The following KAZN variants were observed in gnomAD, a reference collection of about 807,000 sequenced individuals.
The protein encoded by KAZN is kazrin, periplakin interacting protein.
In KAZN, 40 loss-of-function variants were observed where a neutral mutation model predicts 87.4. The ratio of observed to expected loss-of-function variants is 0.46; its 90% CI spans 0.36 to 0.60. The LOEUF (loss-of-function observed/expected upper bound fraction) is 0.60. Among genes scored for constraint, KAZN ranks in the 20% least tolerant of loss-of-function variants. The pLI is 0.00. For missense variants in KAZN, 898 were observed against 1,073.9 expected, an observed-to-expected ratio of 0.84 and a Z score of 2.29; for synonymous variants, 466 against 458.3, an observed-to-expected ratio of 1.02 and a Z score of -0.22.
chr1:14,116,438 G>A lies in KAZN; in HGVS notation c.92-63997G>A, dbSNP rs115007105. 4.1e-3 allele frequency among the ~76,000 whole-genome samples: 626 copies of A among 152,316 alleles called. 6 individuals carry two copies. Among genetic ancestry groups the A allele is most frequent in the African/African-American group, 0.014 (584 of 41,566 alleles). ...CAGAGGGTGCAAGCCTCAAGCCATGGCAACTTCCATGTGATGTTGAGCCTG... is the reference window on the plus strand; with the variant it reads ...CAGAGGGTGCAAGCCTCAAGCCATGACAACTTCCATGTGATGTTGAGCCTG... On this transcript the variant is annotated intron_variant, in intron 1 of 16. Transcript: ENST00000636203.
chr1:14,274,493 G>A (rs1652196328), intron 2 of KAZN, among the ~76,000 whole-genome samples: 1 of 152,124 alleles, frequency 6.6e-6, no homozygotes, highest in South Asian at 2.1e-4. Context: ...CATCATCCGG[G>A]GAGCTTAATA....
intron 1 of KAZN, among the ~76,000 whole-genome samples, chr1:14,612,582 A>T (rs915644643): frequency 1.3e-5 from 2 of 152,204 alleles, no homozygotes; most frequent in African/African-American, 4.8e-5. Context: ...CATCTGGAAC[A>T]TGAGGCCGAT....
chr1:14,834,556 T>C (rs1259891282), intron 1 of KAZN, among the ~76,000 whole-genome samples: 2 of 151,300 alleles, frequency 1.3e-5, no homozygotes, highest in Non-Finnish European at 2.9e-5. Flanking sequence ...AGAGACGGGG[T>C]TTCACCGTGT....
At chr1:14,533,879 G>T (rs1672341725) in intron 2 of KAZN, among the ~76,000 whole-genome samples, 1 of 152,298 alleles carries the variant, frequency 6.6e-6, no homozygotes, top group Admixed American at 6.5e-5. Flanking sequence ...ACATACAAGA[G>T]TCAGGGTTAT....
intron 2 of KAZN, among the ~76,000 whole-genome samples, chr1:14,417,505 G>T (rs1308710625): frequency 6.6e-6 from 1 of 152,160 alleles, no homozygotes; most frequent in Non-Finnish European, 1.5e-5. Context: ...CAGTGCCATG[G>T]AGTCAATGAA....
At chr1:14,788,771 A>G (rs1441215131) in intron 1 of KAZN, among the ~76,000 whole-genome samples, 1 of 151,996 alleles carries the variant, frequency 6.6e-6, no homozygotes, top group Non-Finnish European at 1.5e-5. Flanking sequence ...TACATGTGGG[A>G]GGTCACCACT....
At chr1:14,294,830 C>A (rs868561458) in intron 2 of KAZN, among the ~76,000 whole-genome samples, 3 of 151,742 alleles carry the variant, frequency 2.0e-5, no homozygotes, top group African/African-American at 4.8e-5. Context: ...CTTTTCTTTA[C>A]CAACTCTAGA....
intron 2 of KAZN, among the ~76,000 whole-genome samples, chr1:14,185,285 A>G (rs1166636333): frequency 1.3e-5 from 2 of 152,186 alleles, no homozygotes; most frequent in Non-Finnish European, 2.9e-5. Context: ...GAAAACAGGC[A>G]AAGCTTTCAT....
chr1:14,995,003 G>GT (rs1667727511), intron 2 of KAZN, among the ~76,000 whole-genome samples: 1 of 152,368 alleles, frequency 6.6e-6, no homozygotes, highest in African/African-American at 2.4e-5. Flanking sequence ...CAGCGGGGCA[G>GT]TTCTTGACTG....
chr1:14,980,123 A>G (rs1021053667), intron 2 of KAZN, among the ~76,000 whole-genome samples: 35 of 152,186 alleles, frequency 2.3e-4, no homozygotes, highest in African/African-American at 7.2e-4. Context: ...TCCTGACCTC[A>G]GGTGATCTGC....
intron 2 of KAZN, among the ~76,000 whole-genome samples, chr1:14,262,023 TTAATC>T (rs146693551): frequency 0.031 from 4,796 of 152,274 alleles, 97 homozygotes; most frequent in East Asian, 0.065. Flanking sequence ...ATGTATGTAT[TTAATC>T]TATGTTGGAG....
chr1:14,598,505 G>A (rs1250866725), upstream of KAZN, among the ~76,000 whole-genome samples: 1 of 152,058 alleles, frequency 6.6e-6, no homozygotes, highest in Non-Finnish European at 1.5e-5. This position sits in a 1 kb window ranked among gnomAD's most constrained non-coding sequence, Gnocchi z 4.2. Context: ...CCTCGCCAGG[G>A]GCGCCACCTT....
In KAZN at chr1:14,297,963, C is replaced by T. The variant is rs937567193; in HGVS notation, c.249+117371C>T. Among the ~76,000 whole-genome samples the T allele has an allele frequency of 2.0e-5, 3 of 152,158 alleles. 1 individual carries two copies. Among genetic ancestry groups the T allele is most frequent in the Admixed American group, 2.0e-4 (3 of 15,280 alleles). On this transcript the variant is annotated intron_variant, in intron 2 of 16. Coordinates refer to the KAZN transcript ENST00000636203. ...TAAATTGAAGCTGGGCGCGGTATCA[C>T]GCCTCTAATCCCAGCACTTTGGGAG...
intron 2 of KAZN, among the ~76,000 whole-genome samples, chr1:14,304,839 A>G (rs1175770364): frequency 6.6e-6 from 1 of 152,116 alleles, no homozygotes; most frequent in Non-Finnish European, 1.5e-5. Flanking sequence ...CATAACAGAG[A>G]TGTCAGCTGT....
At chr1:14,027,490 C>T (rs1353486276) in intron 1 of KAZN, among the ~76,000 whole-genome samples, 1 of 152,120 alleles carries the variant, frequency 6.6e-6, no homozygotes, top group African/African-American at 2.4e-5. Flanking sequence ...CTTCTGCCCC[C>T]CCGCCACCTC....
At chr1:14,434,378 A>G (rs1340698391) in intron 2 of KAZN, among the ~76,000 whole-genome samples, 4 of 152,296 alleles carry the variant, frequency 2.6e-5, no homozygotes, top group Middle Eastern at 3.4e-3. Context: ...GCCATGTTTC[A>G]TGTCTCTTTG....
chr1:14,081,266 T>G (rs12409099), intron 1 of KAZN, among the ~76,000 whole-genome samples: 16,380 of 152,164 alleles, frequency 0.11, 1,010 homozygotes, highest in East Asian at 0.13. Context: ...AGATTAATCT[T>G]CCACTTGGGG....
intron 1 of KAZN, among the ~76,000 whole-genome samples, chr1:14,042,904 T>G (rs1570597778): frequency 6.6e-6 from 1 of 152,222 alleles, no homozygotes; most frequent in East Asian, 1.9e-4. Context: ...CATTATTAAC[T>G]TAAACATTTT....
intron 1 of KAZN, among the ~76,000 whole-genome samples, chr1:13,982,647 G>A (rs1462452074): frequency 6.6e-6 from 1 of 152,166 alleles, no homozygotes; most frequent in African/African-American, 2.4e-5. Flanking sequence ...TTTTGACAGG[G>A]CGCTGATTGG....
Sources: gnomAD v4.1 joint callset for allele counts (sites outside exome capture counted in the v4.1 genomes callset) on GRCh38, gnomAD v4.1.1 for gene constraint, Gnocchi (gnomAD v3.1) non-coding constraint, MANE v1.5 for transcripts, NCBI Gene and HGNC (gene_info 2026-07-23, HGNC 2026-07-21) for gene names.